The following ARMC8 variants were observed in gnomAD, a reference collection of about 807,000 sequenced individuals.
The protein encoded by ARMC8 is armadillo repeat-containing protein 8.
A neutral mutation model predicts 99.3 loss-of-function variants in ARMC8; 20 were observed. That is an observed-to-expected ratio of 0.20 (90% confidence interval 0.14 to 0.29). The LOEUF (loss-of-function observed/expected upper bound fraction) is 0.29, where lower values mean the gene tolerates loss of function less well. Among genes scored for constraint, ARMC8 ranks in the 10% least tolerant of loss-of-function variants. The pLI, the probability that ARMC8 is intolerant of heterozygous loss-of-function variation, is 1.00. For missense variants in ARMC8, 569 were observed against 809.5 expected, an observed-to-expected ratio of 0.70 and a Z score of 3.60; for synonymous variants, 263 against 278.3, an observed-to-expected ratio of 0.95 and a Z score of 0.55.
At chr3:138,207,134 G>T (rs1446675371) in intron 1 of ARMC8, among the ~76,000 whole-genome samples, 1 of 152,208 alleles carries the variant, frequency 6.6e-6, no homozygotes, top group Non-Finnish European at 1.5e-5. Context: ...GGCAATGATT[G>T]TGACATTGAT....
intron 12 of ARMC8, among the ~76,000 whole-genome samples, chr3:138,250,480 T>C (rs2047073186): frequency 6.6e-6 from 1 of 152,172 alleles, no homozygotes; most frequent in South Asian, 2.1e-4. Flanking sequence ...ATAGGCTCTT[T>C]CTGTAGAGTA....
At chr3:138,263,702 A>G (rs371229200) in intron 12 of ARMC8, 37 bp from the exon 13 acceptor site, 248 of 1,530,312 alleles carry the variant, frequency 1.6e-4, no homozygotes, top group Non-Finnish European at 2.1e-4. Context: ...TGTCACCTTC[A>G]TGTTGTTATT....
chr3:138,220,700 T>C (rs1196262896), intron 2 of ARMC8, among the ~76,000 whole-genome samples: 4 of 151,348 alleles, frequency 2.6e-5, no homozygotes, highest in Non-Finnish European at 5.9e-5. Context: ...TTTCTTTTTT[T>C]TTTTTTTGAG....
intron 16 of ARMC8, among the ~76,000 whole-genome samples, chr3:138,270,803 A>G (rs2048719733): frequency 6.6e-6 from 1 of 152,210 alleles, no homozygotes; most frequent in South Asian, 2.1e-4. Flanking sequence ...CTTTGAGGTT[A>G]GAGAACCATT....
intron 3 of ARMC8, among the ~76,000 whole-genome samples, chr3:138,223,030 G>A (rs1367289648): frequency 6.6e-6 from 1 of 152,172 alleles, no homozygotes; most frequent in African/African-American, 2.4e-5. Context: ...TCTAGTTTGA[G>A]TTTAAGATCT....
intron 2 of ARMC8, among the ~76,000 whole-genome samples, chr3:138,214,931 T>C (rs545481637): frequency 6.6e-6 from 1 of 152,304 alleles, no homozygotes; most frequent in East Asian, 1.9e-4. Context: ...AGTGTTGGGA[T>C]TACTGTGCCC....
intron 12 of ARMC8, chr3:138,263,469 A>G (rs1576834733): frequency 6.6e-6 from 3 of 453,844 alleles, no homozygotes; most frequent in Non-Finnish European, 1.2e-5. Flanking sequence ...CAGTACTTAT[A>G]CCATTTAATT....
intron 12 of ARMC8, chr3:138,262,510 T>C: frequency 6.2e-7 from 1 of 1,607,106 alleles, no homozygotes; most frequent in Non-Finnish European, 8.5e-7. Context: ...TCTCTCATGT[T>C]CTAAGGTCAG....
At chr3:138,220,355 T>G (rs143631504) in intron 2 of ARMC8, among the ~76,000 whole-genome samples, 3 of 152,280 alleles carry the variant, frequency 2.0e-5, no homozygotes, top group East Asian at 1.9e-4. Flanking sequence ...ACAAAAAAAT[T>G]GCTACTTATT....
At chr3:138,236,561 CTCCTGTGG>C (rs1461287774) in intron 7 of ARMC8, among the ~76,000 whole-genome samples, 2 of 152,128 alleles carry the variant, frequency 1.3e-5, no homozygotes, top group Non-Finnish European at 2.9e-5. Flanking sequence ...TTCTAGGTTC[CTCCTGTGG>C]GCACATGCTA....
chr3:138,296,043 A>G lies in ARMC8; in HGVS notation c.*151A>G. 1 of 608,054 alleles carries G rather than the reference A, an allele frequency of 1.6e-6. No individual in the cohort carries two copies. Among genetic ancestry groups the G allele is most frequent in the Non-Finnish European group, 2.7e-6 (1 of 374,688 alleles). The allele number at this position is 608,054 out of a possible 1,614,324, so 37.7% of individuals were successfully genotyped here. A position where few individuals can be genotyped will look rare whatever the true frequency, so the allele number is the denominator to read the frequency against. On this transcript the variant is annotated 3_prime_UTR_variant, in exon 22 of 22. Transcript: ENST00000469044. ...GCAGTTTAGTAGGCTTAGATCTCAAATTCATCTTGAGAACATTTTTTTGAG... is the reference window on the plus strand; with the variant it reads ...GCAGTTTAGTAGGCTTAGATCTCAAGTTCATCTTGAGAACATTTTTTTGAG...
chr3:138,269,673 A>T (rs2048594299), intron 15 of ARMC8, among the ~76,000 whole-genome samples: 1 of 152,188 alleles, frequency 6.6e-6, no homozygotes, highest in Non-Finnish European at 1.5e-5. Context: ...AAAGTGACAG[A>T]GTCTCAGCGA....
intron 12 of ARMC8, chr3:138,245,510 T>C: frequency 8.2e-7 from 1 of 1,219,758 alleles, no homozygotes; most frequent in Non-Finnish European, 1.0e-6. Flanking sequence ...TCAGACACCT[T>C]GAAAGTCCTA....
chr3:138,209,530 A>G (rs80313576), intron 1 of ARMC8, among the ~76,000 whole-genome samples: 4,738 of 152,322 alleles, frequency 0.031, 108 homozygotes, highest in Non-Finnish European at 0.047. Context: ...AGTAAAATGT[A>G]TACCATGGAC....
chr3:138,231,796 A>G (rs896452428), intron 6 of ARMC8, among the ~76,000 whole-genome samples: 1 of 151,552 alleles, frequency 6.6e-6, no homozygotes, highest in African/African-American at 2.4e-5. Flanking sequence ...GGGAAAAAAA[A>G]AAGACCATGA....
At chr3:138,206,665 A>T (rs1338998995) in intron 1 of ARMC8, among the ~76,000 whole-genome samples, 1 of 152,152 alleles carries the variant, frequency 6.6e-6, no homozygotes, top group East Asian at 1.9e-4. Context: ...CCTACCTCTT[A>T]TATTTCTAGG....
In ARMC8 at chr3:138,266,137, C is replaced by A. The variant is rs540957594; in HGVS notation, c.1300-1018C>A. Among the ~76,000 whole-genome samples the A allele has an allele frequency of 2.6e-5, 4 of 152,316 alleles. No individual in the cohort carries two copies. The South Asian group carries it at 8.3e-4, about 32-fold the overall frequency. The stretch of plus-strand genomic sequence containing the variant: ...TGTAACATTGAACTTGACCCATTTT[C>A]ATCCATTGGCACATCTTCCTGAGTT... On this transcript the variant is annotated intron_variant, in intron 14 of 21. Coordinates refer to ENST00000469044, the MANE Select transcript of ARMC8 (RefSeq NM_001363941.2).
rs193281239 is a variant in ARMC8 at position 138,256,864 on chromosome 3, T to G, written c.1135-6875T>G. ...TTTTCCTCTTTCCCTGTTTTCGAAG[T>G]CAGATCTCAATTTAGTTAAGGCTAA... On this transcript the variant is annotated intron_variant, in intron 12 of 21. Transcript: ENST00000469044. 4.5e-4 allele frequency among the ~76,000 whole-genome samples: 69 copies of G among 152,332 alleles called. 1 individual carries two copies. Among genetic ancestry groups the G allele is most frequent in the Non-Finnish European group, 5.4e-4 (37 of 68,028 alleles).
At chr3:138,278,965 A>G (rs2049593396) in intron 18 of ARMC8, among the ~76,000 whole-genome samples, 1 of 152,240 alleles carries the variant, frequency 6.6e-6, no homozygotes, top group African/African-American at 2.4e-5. Context: ...ACAAATGATC[A>G]CATCTGTAAA....
Sources: allele counts gnomAD v4.1 joint callset (sites outside exome capture counted in the v4.1 genomes callset), GRCh38; gene constraint gnomAD v4.1.1; transcripts MANE v1.5; gene names NCBI Gene and HGNC (gene_info 2026-07-23, HGNC 2026-07-21).